CDH18: variants seen among roughly 807,000 people sequenced by gnomAD.
CDH18 encodes cadherin 18.
A neutral mutation model predicts 67.9 loss-of-function variants in CDH18; 31 were observed. The ratio of observed to expected loss-of-function variants is 0.46; its 90% CI spans 0.34 to 0.62. CDH18 has a LOEUF of 0.62. CDH18 is among the 20% of genes least tolerant of loss of function. The pLI, the probability that CDH18 is intolerant of heterozygous loss-of-function variation, is 0.01. For missense variants in CDH18, 890 were observed against 975.5 expected (o/e 0.91, Z 1.17); for synonymous variants, 362 against 347.2 (o/e 1.04, Z -0.48).
At chr5:19,838,691 C>T in intron 3 of CDH18, 68 bp downstream of exon 3, 1 of 1,024,112 alleles carries the variant, frequency 9.8e-7, no homozygotes, top group Non-Finnish European at 1.5e-6. Context: ...AATATTTCTC[C>T]AACATGAGCT....
chr5:20,056,451 A>ATTTTTTTT (rs1741945890), intron 2 of CDH18, among the ~76,000 whole-genome samples: 1 of 18,968 alleles, frequency 5.3e-5, no homozygotes. Context: ...TTATTTTTTT[A>ATTTTTTTT]TTATTTTTCT....
intron 1 of CDH18, among the ~76,000 whole-genome samples, chr5:20,355,762 C>T (rs1741559564): frequency 6.6e-6 from 1 of 152,132 alleles, no homozygotes; most frequent in South Asian, 2.1e-4. Flanking sequence ...TTATCTACAT[C>T]AAGCTGAATA....
chr5:19,947,233 A>G lies in CDH18; in HGVS notation c.-257+33827T>C, dbSNP rs966994204. The stretch of plus-strand genomic sequence containing the variant: ...CAACATAATACTGGACATTCTAGCT[A>G]GGGAAATAAGGTAAGAAAAAAAATT... On this transcript the variant is annotated intron_variant, in intron 2 of 12. Coordinates refer to ENST00000382275, the MANE Select transcript of CDH18 (RefSeq NM_004934.5). Among the ~76,000 whole-genome samples the G allele has an allele frequency of 4.1e-4, 62 of 152,158 alleles. 2 individuals are homozygous for G. Among genetic ancestry groups the G allele is most frequent in the African/African-American group, 1.3e-3 (53 of 41,534 alleles).
intron 2 of CDH18, among the ~76,000 whole-genome samples, chr5:20,152,021 A>C (rs1378475838): frequency 6.7e-6 from 1 of 150,264 alleles, no homozygotes; most frequent in African/African-American, 2.4e-5. Flanking sequence ...AGTTCAATGA[A>C]ATTATAATTG....
intron 1 of CDH18, among the ~76,000 whole-genome samples, chr5:20,510,044 T>C (rs1424386909): frequency 6.6e-6 from 1 of 152,190 alleles, no homozygotes; most frequent in South Asian, 2.1e-4. Context: ...TACATCCTCA[T>C]CAACATTTGT....
chr5:20,470,095 C>G (rs947898544), intron 1 of CDH18, among the ~76,000 whole-genome samples: 1 of 152,134 alleles, frequency 6.6e-6, no homozygotes, highest in African/African-American at 2.4e-5. Flanking sequence ...TTCACTGTCT[C>G]GGGCAGCCCT....
chr5:19,583,964 AAC>A (rs986688464), intron 7 of CDH18, among the ~76,000 whole-genome samples: 1 of 152,200 alleles, frequency 6.6e-6, no homozygotes, highest in Admixed American at 6.5e-5. Context: ...AGGGAATGAC[AAC>A]ACAACAGTAT....
intron 2 of CDH18, among the ~76,000 whole-genome samples, chr5:19,905,544 C>A (rs538497317): frequency 6.6e-6 from 1 of 151,782 alleles, no homozygotes; most frequent in Non-Finnish European, 1.5e-5. Context: ...TTAATAGCCA[C>A]TTTTTAAAAA....
In CDH18 at chr5:19,593,998, A is replaced by G. The variant is rs115872283; in HGVS notation, c.812-2754T>C. On this transcript the variant is annotated intron_variant, in intron 6 of 12. Transcript: ENST00000382275. Reference sequence around the variant, plus strand: ...ATCAAGACTAACGTCATAAAGCTTTACCCCTATTTTTTTCTTTTAAGAGTT... The same window carrying G: ...ATCAAGACTAACGTCATAAAGCTTTGCCCCTATTTTTTTCTTTTAAGAGTT... Among the ~76,000 whole-genome samples the G allele has an allele frequency of 7.5e-3, 1,134 of 151,666 alleles. 20 individuals are homozygous for G. Among genetic ancestry groups the G allele is most frequent in the African/African-American group, 0.026 (1,090 of 41,336 alleles).
chr5:19,585,710 T>C (rs1420478540), intron 7 of CDH18, among the ~76,000 whole-genome samples: 1 of 152,196 alleles, frequency 6.6e-6, no homozygotes, highest in Non-Finnish European at 1.5e-5. Context: ...ATTTATTTCA[T>C]TGTGTTCTTG....
chr5:20,482,604 C>T (rs985619457), intron 1 of CDH18, among the ~76,000 whole-genome samples: 1 of 151,996 alleles, frequency 6.6e-6, no homozygotes, highest in African/African-American at 2.4e-5. Context: ...TCTAGAGATT[C>T]AAGTGTGGTT....
At chr5:19,901,371 T>C (rs1012765873) in intron 2 of CDH18, among the ~76,000 whole-genome samples, 1 of 152,128 alleles carries the variant, frequency 6.6e-6, no homozygotes, top group Non-Finnish European at 1.5e-5. Flanking sequence ...ACTAGTTTTC[T>C]TGTTCATTGT....
rs764013208 is a variant in CDH18 at position 19,520,683 on chromosome 5, CAAT to C, written c.1483_1485del (p.Ile495del). 1.2e-6 allele frequency: 2 copies of C among 1,612,966 alleles called. No homozygotes were observed. The highest frequency in any genetic ancestry group is 1.7e-6 in the Non-Finnish European group (2 of 1,179,464). Reference sequence around the variant, plus strand: ...TGGCCAGGCTTAGAATTTTCACATACAATAATATCATATTCCCTGGCAAGTTCG... The same window carrying C: ...TGGCCAGGCTTAGAATTTTCACATACAATATCATATTCCCTGGCAAGTTCG... On this transcript the variant is annotated inframe_deletion, in exon 10 of 13. Coordinates refer to ENST00000382275, the MANE Select transcript of CDH18 (RefSeq NM_004934.5).
At chr5:20,152,520 G>A (rs904992488) in intron 2 of CDH18, among the ~76,000 whole-genome samples, 2 of 151,664 alleles carry the variant, frequency 1.3e-5, no homozygotes, top group African/African-American at 4.8e-5. Context: ...TTTTCAGCTG[G>A]TTAATCCTTA....
At chr5:20,270,493 C>T (rs113866324) in intron 1 of CDH18, among the ~76,000 whole-genome samples, 5,551 of 151,896 alleles carry the variant, frequency 0.037, 333 homozygotes, top group African/African-American at 0.13. Context: ...CAGATTCTGG[C>T]GAGGTTGTGG....
At chr5:20,544,161 A>T (rs944747778) in intron 1 of CDH18, among the ~76,000 whole-genome samples, 2 of 151,992 alleles carry the variant, frequency 1.3e-5, no homozygotes, top group African/African-American at 4.8e-5. Context: ...TTGTGGCCAA[A>T]CATATTACAA....
intron 1 of CDH18, among the ~76,000 whole-genome samples, chr5:20,360,651 G>A (rs908960073): frequency 6.6e-6 from 1 of 152,184 alleles, no homozygotes; most frequent in Non-Finnish European, 1.5e-5. Flanking sequence ...ATAGTTGGGT[G>A]TGTGTTCAAG....
chr5:19,570,373 A>G (rs1741185671), intron 8 of CDH18, among the ~76,000 whole-genome samples: 1 of 152,174 alleles, frequency 6.6e-6, no homozygotes, highest in African/African-American at 2.4e-5. Context: ...TACAGTTTCT[A>G]TACTTGCAGA....
intron 1 of CDH18, among the ~76,000 whole-genome samples, chr5:20,499,072 T>C (rs1398663325): frequency 1.3e-5 from 2 of 151,960 alleles, no homozygotes; most frequent in East Asian, 1.9e-4. Context: ...TCCTCAAAGA[T>C]AAGTGAGCTG....
Sources: gnomAD v4.1 joint callset for allele counts (sites outside exome capture counted in the v4.1 genomes callset) on GRCh38, gnomAD v4.1.1 for gene constraint, MANE v1.5 for transcripts, NCBI Gene and HGNC (gene_info 2026-07-23, HGNC 2026-07-21) for gene names.